The following ASAP1 variants were observed in gnomAD, a reference collection of about 807,000 sequenced individuals.
ASAP1 encodes ArfGAP with SH3 domain, ankyrin repeat and PH domain 1.
Under a neutral mutation model 145.2 loss-of-function variants are expected in ASAP1, and 43 were observed. The ratio of observed to expected loss-of-function variants is 0.30; its 90% CI spans 0.23 to 0.38. ASAP1 has a LOEUF of 0.38. Among genes scored for constraint, ASAP1 ranks in the 10% least tolerant of loss-of-function variants. The pLI, the probability that ASAP1 is intolerant of heterozygous loss-of-function variation, is 1.00. For missense variants in ASAP1, 1,018 were observed against 1,355.3 expected, an observed-to-expected ratio of 0.75 and a Z score of 3.91; for synonymous variants, 546 against 515.5, an observed-to-expected ratio of 1.06 and a Z score of -0.80.
chr8:130,188,136 T>A lies in ASAP1; in HGVS notation c.453A>T (p.Leu151Phe). Residue 151 changes from leucine to phenylalanine, a missense_variant, in exon 6 of 30, where the codon TTA becomes TTT. Around this residue, in one of 9 missense-constraint regions of ASAP1, gnomAD observed 78 missense variants for 161.0 expected, o/e 0.48. Coordinates refer to ENST00000518721, the MANE Select transcript of ASAP1 (RefSeq NM_018482.4). ...CTTTGACTCCCTTTAGGTCTCCTTT[T>A]AACAAAGAATCCAAGGTGAAGATCA... ...HNVIFTLDSL[L>F]KGDLKGVKGD... The A allele has an allele frequency of 1.2e-6, 2 of 1,613,918 alleles. No individual in the cohort carries two copies. Among genetic ancestry groups the A allele is most frequent in the Non-Finnish European group, 1.7e-6 (2 of 1,179,870 alleles).
rs1050232759 is a variant in ASAP1, at chr8:130,176,924, T to G, written c.746+2340A>C. Among the ~76,000 whole-genome samples, 8 of 152,196 alleles carry G rather than the reference T, an allele frequency of 5.3e-5. No individual in the cohort carries two copies. The South Asian group carries it at 8.3e-4, about 16-fold the overall frequency. On this transcript the variant is annotated intron_variant, in intron 9 of 29. Coordinates refer to ENST00000518721, the MANE Select transcript of ASAP1 (RefSeq NM_018482.4). Reference sequence around the variant, plus strand: ...AGGCTGGTGTTGAACTCCTGTAATCTAATAATCCACCTGCCTCAGCCTCCC... The same window carrying G: ...AGGCTGGTGTTGAACTCCTGTAATCGAATAATCCACCTGCCTCAGCCTCCC...
chr8:130,061,127 G>T (rs779430448), intron 27 of ASAP1, 58 bp from the exon 28 acceptor site: 32 of 1,514,770 alleles, frequency 2.1e-5, no homozygotes, highest in Non-Finnish European at 2.8e-5. Flanking sequence ...TTTCCTGTCA[G>T]TCACCTAAAA....
chr8:130,082,551 G>A (rs1396149393), intron 25 of ASAP1, among the ~76,000 whole-genome samples: 1 of 147,720 alleles, frequency 6.8e-6, no homozygotes. Context: ...TCACCCAGGT[G>A]GGAGTGCAGT....
chr8:130,216,616 A>G (rs1242789601), intron 4 of ASAP1, among the ~76,000 whole-genome samples: 1 of 152,026 alleles, frequency 6.6e-6, no homozygotes, highest in Non-Finnish European at 1.5e-5. Flanking sequence ...GAGGCCCCTC[A>G]GTCTTGGACC....
chr8:130,390,386 C>G (rs1192279717), intron 2 of ASAP1, among the ~76,000 whole-genome samples: 1 of 152,224 alleles, frequency 6.6e-6, no homozygotes, highest in Non-Finnish European at 1.5e-5. Flanking sequence ...ATCTAGGAAT[C>G]TCAGACTGCC....
chr8:130,236,899 C>T, intron 4 of ASAP1, 23 bp downstream of exon 4: 1 of 1,476,432 alleles, frequency 6.8e-7, no homozygotes. Context: ...ATTCATGTTA[C>T]CTCATTTTTA....
intron 4 of ASAP1, among the ~76,000 whole-genome samples, chr8:130,225,328 G>A (rs1817526812): frequency 6.6e-6 from 1 of 152,144 alleles, no homozygotes; most frequent in South Asian, 2.1e-4. Context: ...CCGGCCTTAT[G>A]TTCCTAAGCC....
intron 12 of ASAP1, among the ~76,000 whole-genome samples, chr8:130,153,352 T>C (rs1299077819): frequency 4.2e-5 from 2 of 47,984 alleles, no homozygotes; most frequent in Non-Finnish European, 9.1e-5. Flanking sequence ...TATATATATA[T>C]ATATATGTAT....
intron 14 of ASAP1, among the ~76,000 whole-genome samples, chr8:130,134,864 GATTC>G (rs939946589): frequency 3.9e-5 from 6 of 152,050 alleles, no homozygotes; most frequent in South Asian, 2.1e-4. Flanking sequence ...TTTCAGAAAT[GATTC>G]ATTTACTGTT....
intron 27 of ASAP1, among the ~76,000 whole-genome samples, chr8:130,071,847 T>A (rs1030393652): frequency 6.6e-6 from 1 of 152,232 alleles, no homozygotes; most frequent in African/African-American, 2.4e-5. Flanking sequence ...TGTATATATA[T>A]GTTTTTTGAT....
intron 3 of ASAP1, among the ~76,000 whole-genome samples, chr8:130,241,506 T>A (rs190635247): frequency 1.3e-5 from 2 of 152,094 alleles, no homozygotes; most frequent in African/African-American, 4.8e-5. Flanking sequence ...AAGCGACAAA[T>A]GACTGAATAC....
At chr8:130,203,812 G>A (rs979428103) in intron 5 of ASAP1, among the ~76,000 whole-genome samples, 1 of 152,206 alleles carries the variant, frequency 6.6e-6, no homozygotes, top group African/African-American at 2.4e-5. Flanking sequence ...AAGAGCTCTG[G>A]AGGCTTCTGG....
At chr8:130,218,930 C>T (rs1817109610) in intron 4 of ASAP1, among the ~76,000 whole-genome samples, 1 of 151,704 alleles carries the variant, frequency 6.6e-6, no homozygotes, top group Non-Finnish European at 1.5e-5. Context: ...ACATGTCTCA[C>T]ATATATATGT....
rs372321835 is a variant in ASAP1 at position 130,334,238 on chromosome 8, T to C, written c.186+23779A>G. ...TTGCTGAGGCACACATATAAAGAGG[T>C]ACTCTTTGATTTTCAGGTAACAACA... On this transcript the variant is annotated intron_variant, in intron 3 of 29. Transcript: ENST00000518721. 1.8e-3 allele frequency among the ~76,000 whole-genome samples: 281 copies of C among 152,250 alleles called. 6 individuals carry two copies. In the South Asian group the frequency reaches 0.057, roughly 31 times the overall value.
intron 3 of ASAP1, among the ~76,000 whole-genome samples, chr8:130,274,093 T>TG (rs1820738095): frequency 1.3e-5 from 2 of 152,214 alleles, no homozygotes; most frequent in African/African-American, 4.8e-5. Context: ...CTTTAGAATG[T>TG]AAAAGTCTAT....
At chr8:130,337,634 G>T (rs1825116313) in intron 3 of ASAP1, among the ~76,000 whole-genome samples, 2 of 152,198 alleles carry the variant, frequency 1.3e-5, no homozygotes, top group South Asian at 2.1e-4. Context: ...TCCTTCCCAT[G>T]AAAATTGAAG....
At chr8:130,324,606 A>G (rs1824211211) in intron 3 of ASAP1, among the ~76,000 whole-genome samples, 1 of 152,212 alleles carries the variant, frequency 6.6e-6, no homozygotes, top group South Asian at 2.1e-4. Flanking sequence ...TGTTCAAGGG[A>G]ATTAATTATA....
intron 29 of ASAP1, among the ~76,000 whole-genome samples, chr8:130,057,000 G>A (rs749126370): frequency 1.3e-5 from 2 of 152,212 alleles, no homozygotes; most frequent in Non-Finnish European, 2.9e-5. Context: ...CTATGAGGAT[G>A]CTGATGTCTT....
At chr8:130,310,776 C>T (rs572033086) in intron 3 of ASAP1, among the ~76,000 whole-genome samples, 1 of 152,202 alleles carries the variant, frequency 6.6e-6, no homozygotes, top group African/African-American at 2.4e-5. Context: ...TTAAATTCTG[C>T]CCAAACTTGA....
Sources: gnomAD v4.1 joint callset for allele counts (sites outside exome capture counted in the v4.1 genomes callset) on GRCh38, gnomAD v4.1.1 for gene constraint, gnomAD v4.1.1 regional missense constraint, MANE v1.5 for transcripts, NCBI Gene and HGNC (gene_info 2026-07-23, HGNC 2026-07-21) for gene names.